PRKCA: variants seen among roughly 807,000 people sequenced by gnomAD.
The protein encoded by PRKCA is protein kinase C alpha, also known as protein kinase C alpha type.
PRKCA carries 27 observed loss-of-function variants against 87.0 expected under a neutral mutation model. That is an observed-to-expected ratio of 0.31 (90% confidence interval 0.23 to 0.43). The LOEUF (loss-of-function observed/expected upper bound fraction) is 0.43. PRKCA is among the 20% of genes least tolerant of loss of function. The probability of loss-of-function intolerance (pLI) is 1.00; values close to 1 mark genes in which losing one functional copy is unlikely to be tolerated. For synonymous variants in PRKCA, 329 were observed against 311.1 expected (o/e 1.06, Z -0.61); for missense variants, 518 against 852.3 (o/e 0.61, Z 4.88).
chr17:66,496,101 A>G, intron 2 of PRKCA, 100 bp from the exon 3 acceptor site: 1 of 874,626 alleles, frequency 1.1e-6, no homozygotes, highest in Non-Finnish European at 1.8e-6. Flanking sequence ...TCTGTAGTGA[A>G]ATTAAATTGA....
At chr17:66,801,532 C>T (rs576791373) in intron 16 of PRKCA, among the ~76,000 whole-genome samples, 26 of 152,294 alleles carry the variant, frequency 1.7e-4, no homozygotes, top group African/African-American at 1.4e-4. Flanking sequence ...TACAGACTCC[C>T]GATTAATTTC....
At chr17:66,483,013 TAAAGGTACCCTCG>T (rs539855790) in intron 2 of PRKCA, among the ~76,000 whole-genome samples, 5,614 of 152,262 alleles carry the variant, frequency 0.037, 143 homozygotes, top group Admixed American at 0.055. Flanking sequence ...GCTTTGGACT[TAAAGGTACCCTCG>T]GTATTTTTAA....
intron 2 of PRKCA, among the ~76,000 whole-genome samples, chr17:66,372,637 A>G (rs1233713932): frequency 6.6e-6 from 1 of 152,186 alleles, no homozygotes; most frequent in Non-Finnish European, 1.5e-5. Flanking sequence ...ATGTAAGTAT[A>G]TTCTTTTTCA....
intron 2 of PRKCA, among the ~76,000 whole-genome samples, chr17:66,335,216 T>A (rs1340192422): frequency 6.6e-6 from 1 of 152,042 alleles, no homozygotes; most frequent in East Asian, 1.9e-4. Context: ...ACATCCTCCA[T>A]CTCCTGGCTC....
At position 66,496,198 on chromosome 17, in the gene PRKCA, C is replaced by A. The variant is rs774764030; in HGVS notation, c.206-3C>A. The A allele has an allele frequency of 1.2e-6, 2 of 1,611,632 alleles. No homozygotes were observed. The highest frequency in any genetic ancestry group is 2.2e-5 in the South Asian group (2 of 90,726). The stretch of plus-strand genomic sequence containing the variant: ...TAATTTTAGTTTCCTTTTTCTCTAC[C>A]AGTTTGCTGTTTTGTGGTCCACAAG... On this transcript the variant is annotated splice_polypyrimidine_tract_variant and splice_region_variant and intron_variant, in intron 2 of 16. Transcript: ENST00000413366.
intron 2 of PRKCA, among the ~76,000 whole-genome samples, chr17:66,410,884 G>A (rs1487395455): frequency 6.6e-6 from 1 of 151,776 alleles, no homozygotes; most frequent in Non-Finnish European, 1.5e-5. Flanking sequence ...CCAGGTAGTT[G>A]AACTTTTGAA....
At chr17:66,720,699 G>C (rs1177420952) in intron 8 of PRKCA, among the ~76,000 whole-genome samples, 1 of 152,192 alleles carries the variant, frequency 6.6e-6, no homozygotes, top group Non-Finnish European at 1.5e-5. Flanking sequence ...TGCCAGTGTT[G>C]TTCAGATTAG....
chr17:66,732,433 C>T (rs1188162571), intron 8 of PRKCA, among the ~76,000 whole-genome samples: 14 of 152,328 alleles, frequency 9.2e-5, no homozygotes. Context: ...GATCCCCACG[C>T]ATCAATTCTA....
intron 2 of PRKCA, among the ~76,000 whole-genome samples, chr17:66,346,152 C>T (rs1448658428): frequency 1.3e-5 from 2 of 149,806 alleles, no homozygotes; most frequent in Non-Finnish European, 3.0e-5. Flanking sequence ...GGAGTGCGCA[C>T]GTGGCACTAT....
chr17:66,512,398 C>T (rs1279892909), intron 3 of PRKCA, among the ~76,000 whole-genome samples: 2 of 152,018 alleles, frequency 1.3e-5, no homozygotes, highest in Non-Finnish European at 2.9e-5. Context: ...GCCAAGATCA[C>T]ACCACTGCAC....
chr17:66,416,144 G>A (rs1598654015), intron 2 of PRKCA: 1 of 152,328 alleles, frequency 6.6e-6, no homozygotes, highest in South Asian at 2.1e-4. Flanking sequence ...CTACCATCAT[G>A]AAAGAGCCTG....
At chr17:66,718,702 T>C (rs1973537432) in intron 8 of PRKCA, among the ~76,000 whole-genome samples, 1 of 152,208 alleles carries the variant, frequency 6.6e-6, no homozygotes. Flanking sequence ...CCAAAGGCCC[T>C]GCCTCCTGAC....
intron 8 of PRKCA, among the ~76,000 whole-genome samples, chr17:66,692,885 G>A (rs751057963): frequency 3.3e-5 from 5 of 152,078 alleles, no homozygotes; most frequent in Admixed American, 6.6e-5. Context: ...ACGAGGGTTC[G>A]TCCTGTTGGG....
At chr17:66,442,446 C>T (rs534097787) in intron 2 of PRKCA, among the ~76,000 whole-genome samples, 1 of 152,154 alleles carries the variant, frequency 6.6e-6, no homozygotes, top group East Asian at 1.9e-4. Context: ...CTCTTTTCCA[C>T]TTCAGAGAGT....
chr17:66,327,001 G>A (rs938960118), intron 2 of PRKCA, among the ~76,000 whole-genome samples: 2 of 152,108 alleles, frequency 1.3e-5, no homozygotes, highest in Non-Finnish European at 2.9e-5. Context: ...CCCTGGAGTT[G>A]AAGGCTATAG....
At chr17:66,718,141 A>G (rs1323885212) in intron 8 of PRKCA, among the ~76,000 whole-genome samples, 1 of 151,988 alleles carries the variant, frequency 6.6e-6, no homozygotes, top group Non-Finnish European at 1.5e-5. Context: ...CATAAACTGC[A>G]TGGCTTACAA....
chr17:66,670,849 G>A (rs1972160116), intron 5 of PRKCA, among the ~76,000 whole-genome samples: 1 of 151,930 alleles, frequency 6.6e-6, no homozygotes, highest in Non-Finnish European at 1.5e-5. Flanking sequence ...GTGGCAGAGT[G>A]AGACTCTATC....
intron 8 of PRKCA, among the ~76,000 whole-genome samples, chr17:66,731,849 T>C (rs1159831349): frequency 7.3e-6 from 1 of 136,098 alleles, no homozygotes; most frequent in African/African-American, 2.7e-5. Context: ...AATGGCGCGA[T>C]CTCAGCTCAC....
chr17:66,453,679 C>T (rs757131010), intron 2 of PRKCA, among the ~76,000 whole-genome samples: 5 of 152,016 alleles, frequency 3.3e-5, no homozygotes, highest in African/African-American at 7.3e-5. Context: ...TGCTGTAGGT[C>T]GAATTGGTTT....
Sources: allele counts gnomAD v4.1 joint callset (sites outside exome capture counted in the v4.1 genomes callset), GRCh38; gene constraint gnomAD v4.1.1; transcripts MANE v1.5; gene names NCBI Gene and HGNC (gene_info 2026-07-23, HGNC 2026-07-21).